The following MS4A1 variants were observed in gnomAD, a reference collection of about 807,000 sequenced individuals.
MS4A1 encodes B-lymphocyte antigen CD20.
A neutral mutation model predicts 26.5 loss-of-function variants in MS4A1; 16 were observed. That is an observed-to-expected ratio of 0.60 (90% CI 0.41 to 0.92). The LOEUF is 0.92. Ranked by LOEUF, MS4A1 falls within the 40% of genes least tolerant of loss-of-function variation. The pLI, the probability that MS4A1 is intolerant of heterozygous loss-of-function variation, is 0.00. For synonymous variants in MS4A1, 128 were observed against 117.6 expected (o/e 1.09, Z -0.57); for missense variants, 350 against 353.0 (o/e 0.99, Z 0.07).
intron 4 of MS4A1, chr11:60,464,084 T>C: frequency 1.7e-6 from 1 of 593,710 alleles, no homozygotes; most frequent in Non-Finnish European, 3.0e-6. Flanking sequence ...ATGAATTTAG[T>C]GTCACTGAGC....
At chr11:60,459,143 C>A (rs1393660278) in intron 1 of MS4A1, among the ~76,000 whole-genome samples, 1 of 152,248 alleles carries the variant, frequency 6.6e-6, no homozygotes, top group African/African-American at 2.4e-5. Context: ...GCAGTCCAAT[C>A]ATCTCCTTCA....
At chr11:60,457,333 G>A (rs1016858517) in intron 1 of MS4A1, among the ~76,000 whole-genome samples, 2 of 152,276 alleles carry the variant, frequency 1.3e-5, no homozygotes, top group Non-Finnish European at 2.9e-5. Context: ...GCCTTGAGGG[G>A]TTAGATGAAG....
At chr11:60,467,277 C>CTT (rs201750543) in intron 7 of MS4A1, among the ~76,000 whole-genome samples, 91 of 134,538 alleles carry the variant, frequency 6.8e-4, no homozygotes, top group African/African-American at 8.6e-4. Flanking sequence ...TTCTGTGCGT[C>CTT]TTTTTTTTTT....
rs531693843 is a variant in MS4A1, at chr11:60,462,594, G to A, written c.159+61G>A. ...TTCTCTGGCTGACAGAAGCTGATGCGGTATAGGCCACATACAGAATTCAAT... is the reference window on the plus strand; with the variant it reads ...TTCTCTGGCTGACAGAAGCTGATGCAGTATAGGCCACATACAGAATTCAAT... On this transcript the variant is annotated intron_variant, in intron 3 of 7. Transcript: ENST00000345732. 1.0e-3 allele frequency: 1,630 copies of A among 1,593,034 alleles called. 6 individuals carry two copies. Among genetic ancestry groups the A allele is most frequent in the Non-Finnish European group, 1.2e-3 (1,427 of 1,161,434 alleles).
At chr11:60,468,161 A>G in intron 7 of MS4A1, 89 bp from the exon 8 acceptor site, 2 of 1,201,034 alleles carry the variant, frequency 1.7e-6, no homozygotes, top group Non-Finnish European at 2.4e-6. Context: ...CATAAAAACC[A>G]GGAGGTATTT....
rs552418971 is a variant in MS4A1, at chr11:60,467,426, G to A, written c.675+366G>A. 3.9e-5 allele frequency among the ~76,000 whole-genome samples: 6 copies of A among 151,982 alleles called. No homozygotes were observed. The South Asian group carries it at 1.0e-3, about 26-fold the overall frequency. Reference sequence around the variant, plus strand: ...CGAGTAGCTGGGATTACAGGCACCCGCCATCATGCCTGGCCAATTTTTGTA... The same window carrying A: ...CGAGTAGCTGGGATTACAGGCACCCACCATCATGCCTGGCCAATTTTTGTA... On this transcript the variant is annotated intron_variant, in intron 7 of 7. Coordinates refer to ENST00000345732, the MANE Select transcript of MS4A1 (RefSeq NM_152866.3).
chr11:60,456,543 G>C (rs1181113005), intron 1 of MS4A1, among the ~76,000 whole-genome samples: 1 of 152,178 alleles, frequency 6.6e-6, no homozygotes, highest in Non-Finnish European at 1.5e-5. Context: ...TGGACACCAA[G>C]TTGAGCATGA....
chr11:60,461,442 G>A (rs1325002740), intron 2 of MS4A1, among the ~76,000 whole-genome samples: 1 of 151,634 alleles, frequency 6.6e-6, no homozygotes, highest in East Asian at 1.9e-4. Flanking sequence ...CAGAACAAAT[G>A]GAGGAATCAC....
chr11:60,466,176 T>A lies in MS4A1; in HGVS notation c.573+19T>A. 2 of 1,565,736 alleles carry A rather than the reference T, an allele frequency of 1.3e-6. No individual in the cohort carries two copies. The highest frequency in any genetic ancestry group is 8.8e-7 in the Non-Finnish European group (1 of 1,136,200). ...GTTCTTGGTAAGTGTTCTTGGTAAG[T>A]GTGAGATTGGATTTCTCTCCAGGGA... On this transcript the variant is annotated intron_variant, in intron 6 of 7. Transcript: ENST00000345732.
At chr11:60,466,186 G>T in intron 6 of MS4A1, 29 bp downstream of exon 6, 1 of 1,525,018 alleles carries the variant, frequency 6.6e-7, no homozygotes, top group East Asian at 2.3e-5. Context: ...TGTGAGATTG[G>T]ATTTCTCTCC....
chr11:60,462,290 T>A lies in MS4A1; in HGVS notation c.-85T>A. The A allele has an allele frequency of 7.0e-7, 1 of 1,423,394 alleles. No homozygotes were observed. Among genetic ancestry groups the A allele is most frequent in the Non-Finnish European group, 9.9e-7 (1 of 1,009,222 alleles). The allele number at this position is 1,423,394 out of a possible 1,614,324, so 88.2% of individuals were successfully genotyped here. ...ATGCTGAGAGAAGCATTCAGATGCATGACACAAGGTAAGACTGCCAAAAAT... is the reference window on the plus strand; with the variant it reads ...ATGCTGAGAGAAGCATTCAGATGCAAGACACAAGGTAAGACTGCCAAAAAT... On this transcript the variant is annotated 5_prime_UTR_variant, in exon 3 of 8. It removes an upstream start codon present in the reference 5' UTR. Coordinates refer to ENST00000345732, the MANE Select transcript of MS4A1 (RefSeq NM_152866.3).
chr11:60,463,105 T>C lies in MS4A1; in HGVS notation c.263T>C (p.Leu88Pro). ...ATCTGTGTGACTGTGTGGTACCCTC[T>C]CTGGGGAGGCATTATGGTGAGTAAA... ...APICVTVWYPLWGGIMYIISG... is the reference protein window; with the variant it reads ...APICVTVWYPPWGGIMYIISG... The change falls in exon 4 of 8, where the codon CTC becomes CCC. Residue 88 changes from leucine (L) to proline (P), a missense_variant. Leu to Pro is a moderately conservative substitution (Grantham distance 98, BLOSUM62 -3). Coordinates refer to ENST00000345732, the MANE Select transcript of MS4A1 (RefSeq NM_152866.3). 6.2e-7 allele frequency: 1 copy of C among 1,614,184 alleles called. No individual in the cohort carries two copies. Among genetic ancestry groups the C allele is most frequent in the Non-Finnish European group, 8.5e-7 (1 of 1,180,018 alleles).
chr11:60,462,531 G>C lies in MS4A1; in HGVS notation c.157G>C (p.Gly53Arg), dbSNP rs2086256871. Residue 53 changes from glycine (G) to arginine (R), a missense_variant and splice_region_variant, in exon 3 of 8, where the codon GGG (glycine) becomes CGG (arginine). Gly to Arg is a moderately radical substitution (Grantham distance 125). Coordinates refer to ENST00000345732, the MANE Select transcript of MS4A1 (RefSeq NM_152866.3). ...CTTCATGAGGGAATCTAAGACTTTG[G>C]GGGTAAGTCAGTTGCCTTCCATCCC... is the stretch of plus-strand genomic sequence containing the variant. The part of the protein sequence containing the change: ...SFFMRESKTL[G>R]AVQIMNGLFH... 6.2e-7 allele frequency: 1 copy of C among 1,614,018 alleles called. No individual in the cohort carries two copies. The highest frequency in any genetic ancestry group is 8.5e-7 in the Non-Finnish European group (1 of 1,180,002).
intron 5 of MS4A1, 143 bp from the exon 6 acceptor site, chr11:60,465,778 G>A: frequency 2.9e-6 from 2 of 679,224 alleles, no homozygotes; most frequent in Non-Finnish European, 5.3e-6. Flanking sequence ...GTGACAAAGA[G>A]GCTAAAAACA....
At chr11:60,467,277 C>CTTTTTTT (rs201750543) in intron 7 of MS4A1, among the ~76,000 whole-genome samples, 36 of 134,546 alleles carry the variant, frequency 2.7e-4, no homozygotes, top group African/African-American at 9.4e-4. Context: ...TTCTGTGCGT[C>CTTTTTTT]TTTTTTTTTT....
At chr11:60,466,865 C>A (rs570869590) in intron 6 of MS4A1, 94 bp from the exon 7 acceptor site, 20 of 1,182,566 alleles carry the variant, frequency 1.7e-5, no homozygotes, top group Non-Finnish European at 2.4e-5. Context: ...ATCTCTTAAT[C>A]GTTCAATTAT....
chr11:60,460,553 A>T (rs931639958), intron 1 of MS4A1, among the ~76,000 whole-genome samples: 8 of 152,182 alleles, frequency 5.3e-5, no homozygotes, highest in Admixed American at 1.3e-4. Context: ...CTTCAGTAAG[A>T]TATGTGACCT....
chr11:60,462,395 A>C lies in MS4A1; in HGVS notation c.21A>C (p.Ser7=). MTTPRN[S]VNGTFPAEPM... ...GCAAAATGACAACACCCAGAAATTCAGTAAATGGGACTTTCCCGGCAGAGC... is the reference window on the plus strand; with the variant it reads ...GCAAAATGACAACACCCAGAAATTCCGTAAATGGGACTTTCCCGGCAGAGC... The change falls in exon 3 of 8, where the codon TCA becomes TCC. Residue 7 remains serine, a synonymous_variant. Coordinates refer to ENST00000345732, the MANE Select transcript of MS4A1 (RefSeq NM_152866.3). 2 of 1,614,210 alleles carry C rather than the reference A, an allele frequency of 1.2e-6. No individual in the cohort carries two copies. Among genetic ancestry groups the C allele is most frequent in the Admixed American group, 1.7e-5 (1 of 60,024 alleles).
intron 3 of MS4A1, among the ~76,000 whole-genome samples, 154 bp from the exon 4 acceptor site, chr11:60,462,848 C>T (rs895224842): frequency 2.0e-5 from 3 of 152,180 alleles, no homozygotes; most frequent in Non-Finnish European, 4.4e-5. Flanking sequence ...GAAACAGATT[C>T]GAACAAGAAA....
Sources: gnomAD v4.1 joint callset for allele counts (sites outside exome capture counted in the v4.1 genomes callset) on GRCh38, gnomAD v4.1.1 for gene constraint, MANE v1.5 for transcripts, NCBI Gene and HGNC (gene_info 2026-07-23, HGNC 2026-07-21) for gene names.